PIK3C2A: variants seen among roughly 807,000 people sequenced by gnomAD.
PIK3C2A encodes phosphatidylinositol 4-phosphate 3-kinase C2 domain-containing subunit alpha.
In PIK3C2A, 97 loss-of-function variants were observed where a neutral mutation model predicts 204.5. The observed-to-expected ratio is 0.47, with a 90% CI of 0.40 to 0.56. PIK3C2A has a LOEUF of 0.56. Among genes scored for constraint, PIK3C2A ranks in the 20% least tolerant of loss-of-function variants. The pLI, the probability that PIK3C2A is intolerant of heterozygous loss-of-function variation, is 0.00. For missense variants in PIK3C2A, 1,735 were observed against 1,969.2 expected, an observed-to-expected ratio of 0.88 and a Z score of 2.25; for synonymous variants, 653 against 664.4, an observed-to-expected ratio of 0.98 and a Z score of 0.26.
At chr11:17,119,702 A>T in intron 16 of PIK3C2A, 84 bp downstream of exon 16, 1 of 790,186 alleles carries the variant, frequency 1.3e-6, no homozygotes, top group Non-Finnish European at 2.0e-6. Flanking sequence ...CTTTCATGTT[A>T]AAAGGAAAGG....
chr11:17,139,429 T>C (rs1201144628), intron 8 of PIK3C2A, among the ~76,000 whole-genome samples: 1 of 150,916 alleles, frequency 6.6e-6, no homozygotes, highest in Admixed American at 6.6e-5. Flanking sequence ...GCTTTCGCCA[T>C]ATTGGGCTGG....
intron 8 of PIK3C2A, among the ~76,000 whole-genome samples, chr11:17,139,011 G>A (rs1367049800): frequency 6.6e-6 from 1 of 151,816 alleles, no homozygotes; most frequent in East Asian, 1.9e-4. Context: ...AGGTTCAAGC[G>A]TTTCTCCTGC....
At chr11:17,179,849 C>T (rs926727485) in intron 1 of PIK3C2A, among the ~76,000 whole-genome samples, 6 of 151,930 alleles carry the variant, frequency 3.9e-5, no homozygotes, top group South Asian at 2.1e-4. Context: ...CCTAGCCCTA[C>T]GTGATCTCAC....
intron 1 of PIK3C2A, among the ~76,000 whole-genome samples, chr11:17,171,648 T>C (rs1851167746): frequency 6.6e-6 from 1 of 152,256 alleles, no homozygotes; most frequent in South Asian, 2.1e-4. Context: ...GCACAATGTA[T>C]ATTTAAAATA....
intron 1 of PIK3C2A, among the ~76,000 whole-genome samples, chr11:17,185,330 T>G (rs1326387520): frequency 6.6e-6 from 1 of 152,244 alleles, no homozygotes; most frequent in Non-Finnish European, 1.5e-5. Flanking sequence ...GGCTATATAC[T>G]ACATACCCTA....
chr11:17,207,704 C>A (rs1361230764), intron 1 of PIK3C2A, 144 bp downstream of exon 1: 1 of 152,384 alleles, frequency 6.6e-6, no homozygotes, highest in African/African-American at 2.4e-5. Flanking sequence ...GCCAAGAGCA[C>A]GGGATGGAGG....
At chr11:17,148,053 T>C (rs1160978109) in intron 5 of PIK3C2A, among the ~76,000 whole-genome samples, 1 of 151,478 alleles carries the variant, frequency 6.6e-6, no homozygotes, top group Non-Finnish European at 1.5e-5. Context: ...TGTGTAAAAA[T>C]ACAAAATTAG....
chr11:17,093,732 G>C (rs1201999068), intron 28 of PIK3C2A, among the ~76,000 whole-genome samples: 1 of 151,702 alleles, frequency 6.6e-6, no homozygotes, highest in Non-Finnish European at 1.5e-5. Flanking sequence ...CCACATCCTG[G>C]TATCAATCAA....
Position 17,169,249 on chromosome 11 carries a change from G to A in PIK3C2A, c.493C>T (p.Gln165Ter). ...TTGAAGCCATTTTGGAATGCAGCCTGTTTACTGTAAGTAGAAGGATAAATA... is the reference window on the plus strand; with the variant it reads ...TTGAAGCCATTTTGGAATGCAGCCTATTTACTGTAAGTAGAAGGATAAATA... ...PSIYPSTYSKQAAFQNGFNPR... is the reference protein window; with the variant it reads ...PSIYPSTYSK The change falls in exon 2 of 33, where the codon CAG becomes TAG. Residue 165 changes from glutamine (Q) to a stop codon, truncating the protein, a stop_gained. Transcript: ENST00000691414. LOFTEE classifies it high-confidence loss of function. 1 of 1,614,126 alleles carries A rather than the reference G, an allele frequency of 6.2e-7. No individual in the cohort carries two copies. Among genetic ancestry groups the A allele is most frequent in the Non-Finnish European group, 8.5e-7 (1 of 1,180,006 alleles).
At chr11:17,130,816 AAAAAAAG>A (rs1372909907) in intron 12 of PIK3C2A, among the ~76,000 whole-genome samples, 2 of 151,828 alleles carry the variant, frequency 1.3e-5, no homozygotes, top group East Asian at 1.9e-4. Context: ...CAAAAAAAAA[AAAAAAAG>A]AAAAAAGAAA....
chr11:17,196,949 G>A (rs1357498240), intron 1 of PIK3C2A, among the ~76,000 whole-genome samples: 1 of 152,118 alleles, frequency 6.6e-6, no homozygotes, highest in Non-Finnish European at 1.5e-5. Context: ...AAAAAAGAGT[G>A]AGCCATGGGA....
intron 30 of PIK3C2A, among the ~76,000 whole-genome samples, 154 bp downstream of exon 30, chr11:17,091,842 A>G (rs1294683737): frequency 2.0e-5 from 3 of 152,230 alleles, no homozygotes; most frequent in Non-Finnish European, 2.9e-5. Context: ...TAGGAAAGTT[A>G]TATTTATTCA....
rs777292423 is a variant in PIK3C2A, at chr11:17,169,696, A to G, written c.46T>C (p.Ser16Pro). The change falls in exon 2 of 33, where the codon TCA becomes CCA. Residue 16 changes from serine (S) to proline (P), a missense_variant. Around this residue, in one of 6 missense-constraint regions of PIK3C2A, gnomAD observed 536 missense variants for 546.7 expected, o/e 0.98. Coordinates refer to ENST00000691414, the MANE Select transcript of PIK3C2A (RefSeq NM_002645.4). ...TTTGCTCTTGTTGGTTCCGGATGTG[A>G]AGATGGACATTCTTTAAATCCGCTG... Reference protein sequence around the residue: ...SNSGFKECPSSHPEPTRAKDV... With the variant: ...SNSGFKECPSPHPEPTRAKDV... 1 of 1,608,854 alleles carries G rather than the reference A, an allele frequency of 6.2e-7. No homozygotes were observed. Among genetic ancestry groups the G allele is most frequent in the Non-Finnish European group, 8.5e-7 (1 of 1,179,732 alleles).
chr11:17,114,046 C>T (rs1354060169), intron 20 of PIK3C2A, among the ~76,000 whole-genome samples: 2 of 148,206 alleles, frequency 1.3e-5, no homozygotes, highest in Non-Finnish European at 1.5e-5. Flanking sequence ...CACCACTGCA[C>T]TCCAGCTTGG....
At chr11:17,116,142 AGT>A (rs1171874271) in intron 19 of PIK3C2A, among the ~76,000 whole-genome samples, 3 of 152,246 alleles carry the variant, frequency 2.0e-5, no homozygotes, top group Non-Finnish European at 4.4e-5. Context: ...ATTTGCAAAT[AGT>A]GTATGTGATA....
At chr11:17,153,950 C>G (rs1041642672) in intron 3 of PIK3C2A, among the ~76,000 whole-genome samples, 28 of 152,164 alleles carry the variant, frequency 1.8e-4, no homozygotes, top group African/African-American at 6.8e-4. Flanking sequence ...CTAGAACATG[C>G]CTTCAAAAAC....
At chr11:17,100,226 T>C (rs17847725) in intron 25 of PIK3C2A, among the ~76,000 whole-genome samples, 6,686 of 116,202 alleles carry the variant, frequency 0.058, 512 homozygotes, top group African/African-American at 0.18. Flanking sequence ...GATCTCCTTT[T>C]GTCTAGGCTC....
At chr11:17,097,332 A>G in intron 26 of PIK3C2A, 68 bp from the exon 27 acceptor site, 1 of 984,388 alleles carries the variant, frequency 1.0e-6, no homozygotes, top group Non-Finnish European at 1.6e-6. Flanking sequence ...CAATGTAATA[A>G]ATGACAAAAA....
At chr11:17,137,653 C>T (rs887517619) in intron 8 of PIK3C2A, among the ~76,000 whole-genome samples, 1 of 152,140 alleles carries the variant, frequency 6.6e-6, no homozygotes, top group Non-Finnish European at 1.5e-5. Context: ...AGATGATCCG[C>T]CCGCCTCAGC....
Sources: gnomAD v4.1 joint callset for allele counts (sites outside exome capture counted in the v4.1 genomes callset) on GRCh38, gnomAD v4.1.1 for gene constraint, gnomAD v4.1.1 regional missense constraint, MANE v1.5 for transcripts, NCBI Gene and HGNC (gene_info 2026-07-23, HGNC 2026-07-21) for gene names.